Variants in FBN3 observed in about 807,000 individuals in gnomAD.
FBN3 encodes the protein fibrillin-3.
Under a neutral mutation model 330.1 loss-of-function variants are expected in FBN3, and 234 were observed. That is an observed-to-expected ratio of 0.71 (90% CI 0.64 to 0.79). The LOEUF is 0.79. Ranked by LOEUF, FBN3 falls within the 30% of genes least tolerant of loss-of-function variation. FBN3 has a pLI of 0.00. For missense variants in FBN3, 3,606 were observed against 3,886.9 expected, an observed-to-expected ratio of 0.93 and a Z score of 1.92; for synonymous variants, 1,458 against 1,517.3, an observed-to-expected ratio of 0.96 and a Z score of 0.91.
intron 18 of FBN3, among the ~76,000 whole-genome samples, chr19:8,127,058 TG>T (rs1338157628): frequency 2.4e-4 from 13 of 54,208 alleles, no homozygotes; most frequent in East Asian, 1.7e-3. Context: ...GTTTTTTTTT[TG>T]TTTTTTTTTT....
intron 8 of FBN3, among the ~76,000 whole-genome samples, chr19:8,141,227 C>T (rs905435264): frequency 4.8e-5 from 7 of 145,654 alleles, no homozygotes; most frequent in African/African-American, 1.5e-4. Context: ...ATTAGCTAGG[C>T]GTGGTGGCGT....
intron 13 of FBN3, among the ~76,000 whole-genome samples, chr19:8,135,273 TA>T (rs201146725): frequency 1.1e-4 from 17 of 151,248 alleles, no homozygotes; most frequent in African/African-American, 3.4e-4. Context: ...AAGCTTGGCA[TA>T]AAAAAAAATT....
intron 6 of FBN3, among the ~76,000 whole-genome samples, chr19:8,144,050 C>T (rs1182506629): frequency 6.6e-6 from 1 of 151,976 alleles, no homozygotes; most frequent in East Asian, 1.9e-4. Context: ...TACATCCACC[C>T]TCTTAATTTT....
chr19:8,132,529 T>C (rs1015883016), intron 14 of FBN3, among the ~76,000 whole-genome samples: 24 of 151,740 alleles, frequency 1.6e-4, no homozygotes, highest in African/African-American at 5.6e-4. Flanking sequence ...CTCACTCTTG[T>C]CACCCAGGCT....
chr19:8,146,357 G>T (rs1001305219), intron 3 of FBN3, 132 bp from the exon 4 acceptor site: 1 of 734,374 alleles, frequency 1.4e-6, no homozygotes, highest in Non-Finnish European at 2.3e-6. Flanking sequence ...TCTGCTCATA[G>T]CACACCCCAC....
At chr19:8,103,057 A>G (rs1011090432) in intron 39 of FBN3, among the ~76,000 whole-genome samples, 184 bp from the exon 40 acceptor site, 4 of 152,044 alleles carry the variant, frequency 2.6e-5, no homozygotes, top group Non-Finnish European at 4.4e-5. Flanking sequence ...ACTTGAGGTC[A>G]GGAGTTTGAG....
Position 8,111,566 on chromosome 19 carries a change from G to A in FBN3, c.4084+82C>T, listed in dbSNP as rs2082583613. 4.9e-6 allele frequency: 7 copies of A among 1,418,066 alleles called. No homozygotes were observed. The South Asian group carries it at 8.0e-5, about 16-fold the overall frequency. 87.8% of individuals were successfully genotyped at this position (1,418,066 alleles called of 1,614,324 possible). On this transcript the variant is annotated intron_variant, in intron 32 of 63. Transcript: ENST00000600128. ...TTGAGTCAGAAGGAGTCAGGAGGTC[G>A]AGTGACCATGGCAGCCACCGTGAAT...
Position 8,085,487 on chromosome 19 carries a change from C to T in FBN3, c.6963G>A (p.Arg2321=), listed in dbSNP as rs749663347. Residue 2321 remains arginine (R), a synonymous_variant, in exon 56 of 64, where the codon AGG becomes AGA. Transcript: ENST00000600128. The stretch of plus-strand genomic sequence containing the variant: ...GGCCACCCCCACAGCAGCACTCGGC[C>T]CTGGTGACAGCCTCACTGCTGCTGG... ...SLSSSSEAVT[R]AECCCGGGRG... 7.5e-6 allele frequency: 12 copies of T among 1,592,194 alleles called. No homozygotes were observed. The South Asian group carries it at 1.3e-4, about 17-fold the overall frequency.
chr19:8,106,886 G>A (rs1245905364), intron 37 of FBN3, among the ~76,000 whole-genome samples: 1 of 151,766 alleles, frequency 6.6e-6, no homozygotes, highest in Non-Finnish European at 1.5e-5. Context: ...AGGATGGATG[G>A]GTGAATGGGG....
chr19:8,097,982 G>A (rs530544380), intron 41 of FBN3, among the ~76,000 whole-genome samples: 1 of 152,222 alleles, frequency 6.6e-6, no homozygotes, highest in Non-Finnish European at 1.5e-5. Context: ...GGGGCAGAAG[G>A]GAGGGGCTAA....
intron 61 of FBN3, 170 bp downstream of exon 61, chr19:8,074,901 C>T (rs556327777): frequency 3.8e-6 from 3 of 793,356 alleles, no homozygotes; most frequent in South Asian, 4.5e-5. Flanking sequence ...GCTTATTCTG[C>T]TGCACCTTGA....
intron 13 of FBN3, 25 bp downstream of exon 13, chr19:8,135,936 G>GGGGGGGGGGGGGGGGGGGGCC: frequency 3.0e-5 from 20 of 668,770 alleles, no homozygotes; most frequent in Non-Finnish European, 4.3e-5. Flanking sequence ...GGAAGCCCCT[G>GGGGGGGGGGGGGGGGGGGGCC]CCCACCCGCC....
Position 8,089,881 on chromosome 19 carries a change from G to A in FBN3, c.6250+13C>T. 1 of 1,589,166 alleles carries A rather than the reference G, an allele frequency of 6.3e-7. No homozygotes were observed. Among genetic ancestry groups the A allele is most frequent in the Non-Finnish European group, 8.6e-7 (1 of 1,168,764 alleles). On this transcript the variant is annotated intron_variant, in intron 50 of 63. Coordinates refer to ENST00000600128, the MANE Select transcript of FBN3 (RefSeq NM_032447.5). ...CCCAGAAGGGGCTCTTAGCATGTGG[G>A]TGAGGGGCTCACCTTCTCGGGAGTC... is the stretch of plus-strand genomic sequence containing the variant.
At position 8,109,791 on chromosome 19, in the gene FBN3, T is replaced by G; in HGVS notation, c.4334-38A>C. 6.9e-7 allele frequency: 1 copy of G among 1,441,692 alleles called. No individual in the cohort carries two copies. The highest frequency in any genetic ancestry group is 1.6e-5 in the South Asian group (1 of 60,722). 89.3% of individuals were successfully genotyped at this position (1,441,692 alleles called of 1,614,324 possible). A position where few individuals can be genotyped will look rare whatever the true frequency, so the allele number is the denominator to read the frequency against. On this transcript the variant is annotated intron_variant, in intron 34 of 63. Coordinates refer to ENST00000600128, the MANE Select transcript of FBN3 (RefSeq NM_032447.5). The surrounding 1 kb of genome is among the most constrained non-coding windows in gnomAD (Gnocchi z 5.2). ...AGCGCGGTCCTCAGCAGGGAGCCCCTTCCTCGGCCCCCCTCCCTCCTAGCT... is the reference window on the plus strand; with the variant it reads ...AGCGCGGTCCTCAGCAGGGAGCCCCGTCCTCGGCCCCCCTCCCTCCTAGCT...
At chr19:8,117,142 C>T (rs1340745160) in intron 28 of FBN3, 27 bp downstream of exon 28, 7 of 1,613,042 alleles carry the variant, frequency 4.3e-6, no homozygotes, top group Non-Finnish European at 5.9e-6. Flanking sequence ...CCACACCAGG[C>T]AGTGGGAAGA....
chr19:8,098,310 A>AAATATCCATC (rs2082253982), intron 41 of FBN3, among the ~76,000 whole-genome samples: 1 of 151,966 alleles, frequency 6.6e-6, no homozygotes, highest in African/African-American at 2.4e-5. Context: ...GAAACAAACT[A>AAATATCCATC]AGTGTCAATC....
chr19:8,096,665 A>G lies in FBN3; in HGVS notation c.5414-96T>C. The stretch of plus-strand genomic sequence containing the variant: ...ATGGGGAAGCCAGAATCTGCCTTGA[A>G]GTTCCCCACTCAAACTTCCACCAGG... On this transcript the variant is annotated intron_variant, in intron 43 of 63. Coordinates refer to ENST00000600128, the MANE Select transcript of FBN3 (RefSeq NM_032447.5). This position sits in a 1 kb window ranked among gnomAD's most constrained non-coding sequence, Gnocchi z 4.6. 2 of 1,491,300 alleles carry G rather than the reference A, an allele frequency of 1.3e-6. No homozygotes were observed. Among genetic ancestry groups the G allele is most frequent in the East Asian group, 2.3e-5 (1 of 43,922 alleles). 92.4% of individuals were successfully genotyped at this position (1,491,300 alleles called of 1,614,324 possible). A position where few individuals can be genotyped will look rare whatever the true frequency, so the allele number is the denominator to read the frequency against.
At chr19:8,135,936 G>GAGCC in intron 13 of FBN3, 25 bp downstream of exon 13, 2 of 668,778 alleles carry the variant, frequency 3.0e-6, no homozygotes, top group Non-Finnish European at 2.4e-6. Context: ...GGAAGCCCCT[G>GAGCC]CCCACCCGCC....
At chr19:8,114,048 TACAC>T (rs1197570950) in intron 30 of FBN3, among the ~76,000 whole-genome samples, 23 of 151,344 alleles carry the variant, frequency 1.5e-4, no homozygotes, top group East Asian at 3.9e-4. Flanking sequence ...AAAAAATAGA[TACAC>T]AGAGAGAAGA....
Sources: allele counts gnomAD v4.1 joint callset (sites outside exome capture counted in the v4.1 genomes callset), GRCh38; gene constraint gnomAD v4.1.1; non-coding constraint Gnocchi (gnomAD v3.1); transcripts MANE v1.5; gene names NCBI Gene and HGNC (gene_info 2026-07-23, HGNC 2026-07-21).